LHFPL3: variants seen among roughly 807,000 people sequenced by gnomAD.
The protein encoded by LHFPL3 is LHFPL tetraspan subfamily member 3 protein.
LHFPL3 carries 5 observed loss-of-function variants against 19.3 expected under a neutral mutation model. That is an observed-to-expected ratio of 0.26 (90% CI 0.14 to 0.54). The LOEUF is 0.54. Among genes scored for constraint, LHFPL3 ranks in the 20% least tolerant of loss-of-function variants. The pLI is 0.94. For synonymous variants in LHFPL3, 133 were observed against 126.2 expected (o/e 1.05, Z -0.36); for missense variants, 249 against 307.4 (o/e 0.81, Z 1.42).
At chr7:104,486,439 A>T (rs1793239141) in intron 1 of LHFPL3, among the ~76,000 whole-genome samples, 1 of 152,198 alleles carries the variant, frequency 6.6e-6, no homozygotes, top group Non-Finnish European at 1.5e-5. Context: ...GAAACCCAGG[A>T]TCAGACACTG....
chr7:104,734,478 A>G (rs1793766661), intron 1 of LHFPL3, among the ~76,000 whole-genome samples: 2 of 152,160 alleles, frequency 1.3e-5, no homozygotes, highest in Non-Finnish European at 2.9e-5. Flanking sequence ...TTGATCTTCA[A>G]TCACTGATAC....
intron 1 of LHFPL3, among the ~76,000 whole-genome samples, chr7:104,453,316 C>T (rs1194613201): frequency 2.0e-5 from 3 of 151,252 alleles, no homozygotes; most frequent in African/African-American, 7.3e-5. Flanking sequence ...CGGGAAACTA[C>T]TAGAGGCCAT....
intron 1 of LHFPL3, among the ~76,000 whole-genome samples, chr7:104,470,241 T>G (rs1792880688): frequency 6.6e-6 from 1 of 152,256 alleles, no homozygotes. Context: ...TAAGCCTAAC[T>G]GGCTTTTATT....
chr7:104,350,247 A>G (rs185840404), intron 1 of LHFPL3, among the ~76,000 whole-genome samples: 53 of 152,298 alleles, frequency 3.5e-4, no homozygotes, highest in Non-Finnish European at 4.6e-4. Flanking sequence ...CAAATTCTCA[A>G]TTAGTCTGTG....
intron 1 of LHFPL3, among the ~76,000 whole-genome samples, chr7:104,509,922 CA>C (rs1239407309): frequency 4.6e-5 from 7 of 151,860 alleles, no homozygotes; most frequent in Admixed American, 2.0e-4. Flanking sequence ...ATATAAAAAT[CA>C]ATTGTATTTT....
chr7:104,677,591 G>C (rs1792616021), intron 1 of LHFPL3, among the ~76,000 whole-genome samples: 1 of 152,156 alleles, frequency 6.6e-6, no homozygotes, highest in African/African-American at 2.4e-5. Flanking sequence ...AGCAATTACA[G>C]AAGAAGAAGC....
At chr7:104,620,007 G>T (rs1302783751) in intron 1 of LHFPL3, among the ~76,000 whole-genome samples, 1 of 152,168 alleles carries the variant, frequency 6.6e-6, no homozygotes, top group East Asian at 1.9e-4. Context: ...ATCTAATACT[G>T]CCACTGATCT....
chr7:104,644,260 G>T (rs952379453), intron 1 of LHFPL3, among the ~76,000 whole-genome samples: 6 of 152,100 alleles, frequency 3.9e-5, no homozygotes, highest in Admixed American at 2.0e-4. Context: ...CATGGCTATA[G>T]GTGCAAAACC....
intron 2 of LHFPL3, among the ~76,000 whole-genome samples, chr7:104,812,971 G>T (rs1184384706): frequency 1.3e-5 from 2 of 151,852 alleles, no homozygotes; most frequent in Non-Finnish European, 1.5e-5. Flanking sequence ...AAAATAGCTG[G>T]ATGTGGTGGC....
intron 1 of LHFPL3, among the ~76,000 whole-genome samples, chr7:104,522,346 A>T (rs1199532841): frequency 1.5e-5 from 2 of 133,374 alleles, no homozygotes; most frequent in East Asian, 4.5e-4. Flanking sequence ...ATGAGAACAC[A>T]TGGACATAGG....
intron 1 of LHFPL3, among the ~76,000 whole-genome samples, chr7:104,590,826 G>C (rs1012609724): frequency 2.6e-5 from 4 of 152,156 alleles, no homozygotes; most frequent in Admixed American, 6.5e-5. Context: ...ATTTAGGATA[G>C]TTAGCTCTTC....
At chr7:104,384,597 A>T (rs1433966927) in intron 1 of LHFPL3, among the ~76,000 whole-genome samples, 1 of 151,716 alleles carries the variant, frequency 6.6e-6, no homozygotes, top group African/African-American at 2.4e-5. Context: ...GACCAGCCTG[A>T]TCAACATGGA....
At chr7:104,367,647 C>T (rs1159482606) in intron 1 of LHFPL3, among the ~76,000 whole-genome samples, 2 of 152,028 alleles carry the variant, frequency 1.3e-5, no homozygotes, top group Non-Finnish European at 2.9e-5. Flanking sequence ...GTATATTTTC[C>T]AACTTGGAAA....
At chr7:104,639,699 C>G (rs1291157735) in intron 1 of LHFPL3, among the ~76,000 whole-genome samples, 1 of 152,108 alleles carries the variant, frequency 6.6e-6, no homozygotes, top group Non-Finnish European at 1.5e-5. Context: ...CAATGCAATG[C>G]AGACTATGGT....
chr7:104,571,544 G>A (rs1437198035), intron 1 of LHFPL3, among the ~76,000 whole-genome samples: 1 of 152,026 alleles, frequency 6.6e-6, no homozygotes, highest in African/African-American at 2.4e-5. Context: ...GCCTTTTCTG[G>A]ACACAATACT....
intron 2 of LHFPL3, among the ~76,000 whole-genome samples, chr7:104,778,797 A>T (rs1264585723): frequency 2.0e-5 from 3 of 152,254 alleles, no homozygotes; most frequent in Admixed American, 6.5e-5. Flanking sequence ...TGTCATAGTC[A>T]GCAACCATTC....
At chr7:104,544,217 C>T (rs1390150326) in intron 1 of LHFPL3, among the ~76,000 whole-genome samples, 1 of 152,030 alleles carries the variant, frequency 6.6e-6, no homozygotes, top group Admixed American at 6.6e-5. Flanking sequence ...TTTTCAGTCC[C>T]TTTCAGTAAT....
At chr7:104,667,266 G>C (rs74797641) in intron 1 of LHFPL3, among the ~76,000 whole-genome samples, 3 of 123,922 alleles carry the variant, frequency 2.4e-5, no homozygotes, top group African/African-American at 5.5e-5. Context: ...TGTTTTCTTG[G>C]GGGGGGGAAT....
chr7:104,552,606 G>A (rs904445596), intron 1 of LHFPL3, among the ~76,000 whole-genome samples: 7 of 152,086 alleles, frequency 4.6e-5, no homozygotes, highest in African/African-American at 1.2e-4. Context: ...TAAACAATAG[G>A]GATCTGAATC....
Sources: allele counts gnomAD v4.1 joint callset (sites outside exome capture counted in the v4.1 genomes callset), GRCh38; gene constraint gnomAD v4.1.1; transcripts MANE v1.5; gene names NCBI Gene and HGNC (gene_info 2026-07-23, HGNC 2026-07-21).